NACC2: variants seen among roughly 807,000 people sequenced by gnomAD.
NACC2 encodes the protein nucleus accumbens-associated protein 2.
Under a neutral mutation model 25.1 loss-of-function variants are expected in NACC2, and 8 were observed. The ratio of observed to expected loss-of-function variants is 0.32; its 90% CI spans 0.19 to 0.57. NACC2 has a LOEUF of 0.57. Among genes scored for constraint, NACC2 ranks in the 20% least tolerant of loss-of-function variants. The pLI, the probability that NACC2 is intolerant of heterozygous loss-of-function variation, is 0.89. For missense variants in NACC2, 644 were observed against 650.2 expected, an observed-to-expected ratio of 0.99 and a Z score of 0.10; for synonymous variants, 435 against 294.7, an observed-to-expected ratio of 1.48 and a Z score of -4.88.
chr9:136,043,091 A>G (rs1840669817), intron 2 of NACC2, among the ~76,000 whole-genome samples: 1 of 152,238 alleles, frequency 6.6e-6, no homozygotes, highest in Admixed American at 6.5e-5. Flanking sequence ...CGAACAGGCT[A>G]CAAAAAGCAC....
chr9:136,032,355 CT>C (rs1022859158), intron 2 of NACC2, among the ~76,000 whole-genome samples: 1 of 152,020 alleles, frequency 6.6e-6, no homozygotes, highest in African/African-American at 2.4e-5. Flanking sequence ...TTAGAGAAAG[CT>C]TTTGTTACAA....
rs138208625 is a variant in NACC2, at chr9:136,059,937, G to A, written c.-59-9357C>T. ...ATGTCCTGACCAGCAGAGAGGGGCCGCACCCTGTCCCCTCCTCAGGGCGCA... is the reference window on the plus strand; with the variant it reads ...ATGTCCTGACCAGCAGAGAGGGGCCACACCCTGTCCCCTCCTCAGGGCGCA... On this transcript the variant is annotated intron_variant, in intron 1 of 5. Coordinates refer to ENST00000277554, the MANE Select transcript of NACC2 (RefSeq NM_144653.5). 5.8e-3 allele frequency among the ~76,000 whole-genome samples: 881 copies of A among 152,322 alleles called. 5 individuals carry two copies. The highest frequency in any genetic ancestry group is 7.5e-3 in the Non-Finnish European group (509 of 68,018).
At position 136,070,486 on chromosome 9, in the gene NACC2, G is replaced by A. The variant is rs188983526; in HGVS notation, c.-59-19906C>T. On this transcript the variant is annotated intron_variant, in intron 1 of 5. Coordinates refer to ENST00000277554, the MANE Select transcript of NACC2 (RefSeq NM_144653.5). ...CGCGCCACTGCACTCCAGCCTGGGC[G>A]ACAGAGCGAGACTCGTCTCAAAAAA... Among the ~76,000 whole-genome samples the A allele has an allele frequency of 9.2e-5, 14 of 151,878 alleles. No homozygotes were observed. The East Asian group carries it at 2.5e-3, about 27-fold the overall frequency.
rs1840102965 is a variant in NACC2 at position 136,011,308 on chromosome 9, A to G, written c.*208T>C. The stretch of plus-strand genomic sequence containing the variant: ...AAGGGAGCCCTGGGAACTTCCTCGC[A>G]GGAGGCTGCCAGTGGCCTAATTGTT... On this transcript the variant is annotated 3_prime_UTR_variant, in exon 6 of 6. Transcript: ENST00000277554. 4.3e-6 allele frequency: 2 copies of G among 469,738 alleles called. No individual in the cohort carries two copies. The highest frequency in any genetic ancestry group is 1.0e-4 in the South Asian group (1 of 9,608). The allele number at this position is 469,738 out of a possible 1,614,324, so 29.1% of individuals were successfully genotyped here.
rs1357053038 is a variant in NACC2, at chr9:136,086,841, T to C, written c.-60+8348A>G. Among the ~76,000 whole-genome samples the C allele has an allele frequency of 6.6e-6, 1 of 152,176 alleles. No homozygotes were observed. Among genetic ancestry groups the C allele is most frequent in the East Asian group, 1.9e-4 (1 of 5,184 alleles). ...GCTGTCTGTGCCTGGCTCCTCCCAC[T>C]GTCCTGGGCAAGTGCAGAGCCAGCC... On this transcript the variant is annotated intron_variant, in intron 1 of 5. Transcript: ENST00000277554. The surrounding 1 kb of genome is among the most constrained non-coding windows in gnomAD (Gnocchi z 5.6).
chr9:136,026,327 G>A (rs1840388053), intron 2 of NACC2, among the ~76,000 whole-genome samples: 1 of 51,178 alleles, frequency 2.0e-5, no homozygotes, highest in Non-Finnish European at 3.5e-5. Flanking sequence ...TGGGCAACAA[G>A]AGCAAAACTC....
chr9:136,032,168 G>A (rs945350434), intron 2 of NACC2, among the ~76,000 whole-genome samples: 3 of 152,226 alleles, frequency 2.0e-5, no homozygotes, highest in Non-Finnish European at 4.4e-5. Flanking sequence ...TCCAAAAGGA[G>A]GGGAAGGAAT....
intron 2 of NACC2, among the ~76,000 whole-genome samples, chr9:136,024,368 GAA>G (rs1840351287): frequency 7.2e-6 from 1 of 139,638 alleles, no homozygotes; most frequent in Non-Finnish European, 1.5e-5. Flanking sequence ...TGTGAGGACA[GAA>G]GGTGTGTGTG....
chr9:136,073,539 G>T (rs1014346861), intron 1 of NACC2, among the ~76,000 whole-genome samples: 1 of 152,148 alleles, frequency 6.6e-6, no homozygotes, highest in Non-Finnish European at 1.5e-5. Flanking sequence ...CTGCCCATCA[G>T]GGGAGAAGAG....
intron 1 of NACC2, among the ~76,000 whole-genome samples, chr9:136,079,376 C>A (rs1830297610): frequency 1.3e-5 from 2 of 152,202 alleles, no homozygotes; most frequent in African/African-American, 4.8e-5. Flanking sequence ...GACACTCCTA[C>A]AAGCACAGGA....
chr9:136,027,366 G>T (rs1221865020), intron 2 of NACC2, among the ~76,000 whole-genome samples: 1 of 152,180 alleles, frequency 6.6e-6, no homozygotes, highest in Non-Finnish European at 1.5e-5. Context: ...CTCTGCTGTG[G>T]CCAACACAAG....
rs1279157494 is a variant in NACC2, at chr9:136,086,006, C to T, written c.-60+9183G>A. On this transcript the variant is annotated intron_variant, in intron 1 of 5. Coordinates refer to ENST00000277554, the MANE Select transcript of NACC2 (RefSeq NM_144653.5). The surrounding 1 kb of genome is among the most constrained non-coding windows in gnomAD (Gnocchi z 5.6). ...GGCAGAGCCCAGAGACTGGGCACCG[C>T]GCAGGGCAGCTCCGATGGGAGGGGT... 2.0e-5 allele frequency among the ~76,000 whole-genome samples: 3 copies of T among 151,888 alleles called. No individual in the cohort carries two copies. The highest frequency in any genetic ancestry group is 6.6e-5 in the Admixed American group (1 of 15,264).
At chr9:136,015,448 G>A (rs771921992) in intron 3 of NACC2, among the ~76,000 whole-genome samples, 58 of 152,240 alleles carry the variant, frequency 3.8e-4, no homozygotes, top group Non-Finnish European at 7.2e-4. Context: ...ACTCTCCCAT[G>A]AGGACCGAAG....
rs1025648564 is a variant in NACC2 at position 136,050,548 on chromosome 9, C to A, written c.-27G>T. ...GCGGGCGGGCAGCGGCGGGGCTGGG[C>A]TCTCAGCGCGGGGCGGCCCTAGCGG... On this transcript the variant is annotated 5_prime_UTR_variant, in exon 2 of 6. Transcript: ENST00000277554. 27 of 748,888 alleles carry A rather than the reference C, an allele frequency of 3.6e-5. No individual in the cohort carries two copies. In the Middle Eastern group the frequency reaches 1.0e-3, roughly 29 times the overall value. 46.4% of individuals were successfully genotyped at this position (748,888 alleles called of 1,614,324 possible).
intron 2 of NACC2, among the ~76,000 whole-genome samples, chr9:136,030,526 C>T (rs1169373869): frequency 2.0e-5 from 3 of 151,818 alleles, no homozygotes; most frequent in African/African-American, 7.3e-5. Flanking sequence ...AGGAGAATGG[C>T]GTGAACCCAG....
intron 2 of NACC2, among the ~76,000 whole-genome samples, chr9:136,048,126 T>C (rs1819234989): frequency 6.6e-6 from 1 of 152,192 alleles, no homozygotes; most frequent in Admixed American, 6.5e-5. Context: ...ATGGGGGATG[T>C]CCTCAGGGAC....
At chr9:136,062,147 C>CAGGACAGGACAGGACAGGAA (rs1483409167) in intron 1 of NACC2, among the ~76,000 whole-genome samples, 2 of 150,560 alleles carry the variant, frequency 1.3e-5, no homozygotes, top group African/African-American at 4.9e-5. Flanking sequence ...CAGGACAGGA[C>CAGGACAGGACAGGACAGGAA]AGGACAGGAC....
In NACC2 at chr9:136,084,347, G is replaced by A. The variant is rs1251462232; in HGVS notation, c.-60+10842C>T. On this transcript the variant is annotated intron_variant, in intron 1 of 5. Transcript: ENST00000277554. The surrounding 1 kb of genome is among the most constrained non-coding windows in gnomAD (Gnocchi z 5.1). ...CACACCTGGGGCCTTCACCAAAGGC[G>A]GGTTGCTGGAGGGCTGCTTCCGAGA... Among the ~76,000 whole-genome samples, 5 of 152,124 alleles carry A rather than the reference G, an allele frequency of 3.3e-5. No homozygotes were observed. Among genetic ancestry groups the A allele is most frequent in the African/African-American group, 4.8e-5 (2 of 41,406 alleles).
In NACC2 at chr9:136,016,530, C is replaced by T. The variant is rs770538755; in HGVS notation, c.887-101G>A. The T allele has an allele frequency of 1.6e-5, 22 of 1,398,668 alleles. No individual in the cohort carries two copies. In the South Asian group the frequency reaches 2.7e-4, roughly 17 times the overall value. The allele number at this position is 1,398,668 out of a possible 1,614,324, so 86.6% of individuals were successfully genotyped here. On this transcript the variant is annotated intron_variant, in intron 2 of 5. Transcript: ENST00000277554. ...CATGCTCCCTGGGGCCTGTGTTAGACCCACTCTGCCCACCTGGGCCCAGGT... is the reference window on the plus strand; with the variant it reads ...CATGCTCCCTGGGGCCTGTGTTAGATCCACTCTGCCCACCTGGGCCCAGGT...
Sources: allele counts gnomAD v4.1 joint callset (sites outside exome capture counted in the v4.1 genomes callset), GRCh38; gene constraint gnomAD v4.1.1; non-coding constraint Gnocchi (gnomAD v3.1); transcripts MANE v1.5; gene names NCBI Gene and HGNC (gene_info 2026-07-23, HGNC 2026-07-21).